Variants in CSGALNACT1 observed in about 807,000 individuals in gnomAD.
CSGALNACT1 encodes chondroitin sulfate N-acetylgalactosaminyltransferase 1.
Under a neutral mutation model 51.0 loss-of-function variants are expected in CSGALNACT1, and 52 were observed. That is an observed-to-expected ratio of 1.02 (90% confidence interval 0.82 to 1.29). The LOEUF (loss-of-function observed/expected upper bound fraction) is 1.29. Among genes scored for constraint, CSGALNACT1 ranks in the 50% most tolerant of loss-of-function variants. The pLI, the probability that CSGALNACT1 is intolerant of heterozygous loss-of-function variation, is 0.00. For synonymous variants in CSGALNACT1, 341 were observed against 254.4 expected (o/e 1.34, Z -3.24); for missense variants, 935 against 679.2 (o/e 1.38, Z -4.19).
At chr8:19,635,628 GCATATTGAGGTTGTTT>G (rs1300105356) in intron 1 of CSGALNACT1, among the ~76,000 whole-genome samples, 1 of 152,038 alleles carries the variant, frequency 6.6e-6, no homozygotes, top group African/African-American at 2.4e-5. Context: ...CACTTTTTCG[GCATATTGAGGTTGTTT>G]CATAAAGGAG....
chr8:19,617,760 T>G (rs1187578031), intron 1 of CSGALNACT1, among the ~76,000 whole-genome samples: 1 of 152,228 alleles, frequency 6.6e-6, no homozygotes, highest in Non-Finnish European at 1.5e-5. Context: ...TTTGACATGT[T>G]AGGATATCTT....
chr8:19,461,548 T>C (rs527347185), intron 4 of CSGALNACT1, among the ~76,000 whole-genome samples: 6 of 148,562 alleles, frequency 4.0e-5, no homozygotes, highest in East Asian at 4.0e-4. Context: ...ACATTCACCA[T>C]GGGGGGCGTA....
At chr8:19,467,192 T>A (rs917855332) in intron 4 of CSGALNACT1, among the ~76,000 whole-genome samples, 17 of 137,730 alleles carry the variant, frequency 1.2e-4, no homozygotes, top group Non-Finnish European at 6.1e-5. Flanking sequence ...CGATCTCGGC[T>A]CACTGCAAGC....
intron 4 of CSGALNACT1, among the ~76,000 whole-genome samples, chr8:19,463,931 G>C: frequency 6.6e-6 from 1 of 152,094 alleles, no homozygotes; most frequent in East Asian, 1.9e-4. Context: ...CCTTCAGTAG[G>C]CCAGGAGCTA....
At chr8:19,729,335 T>C (rs914466204) in intron 1 of CSGALNACT1, among the ~76,000 whole-genome samples, 2 of 152,206 alleles carry the variant, frequency 1.3e-5, no homozygotes, top group Admixed American at 6.5e-5. Context: ...TTGCAGACAG[T>C]GCTCACATGC....
chr8:19,681,550 T>C (rs953584745), intron 1 of CSGALNACT1, among the ~76,000 whole-genome samples: 1 of 152,036 alleles, frequency 6.6e-6, no homozygotes, highest in Non-Finnish European at 1.5e-5. Context: ...ATCAGGTAAG[T>C]GGTAAATCTG....
chr8:19,435,188 A>G (rs2060194601), intron 6 of CSGALNACT1, among the ~76,000 whole-genome samples: 1 of 152,184 alleles, frequency 6.6e-6, no homozygotes, highest in Admixed American at 6.5e-5. Context: ...CAATTCATCT[A>G]TCAGTTACAT....
At chr8:19,567,348 T>C (rs2042099873) in intron 3 of CSGALNACT1, among the ~76,000 whole-genome samples, 1 of 152,150 alleles carries the variant, frequency 6.6e-6, no homozygotes, top group Non-Finnish European at 1.5e-5. Flanking sequence ...CCAACCTAAG[T>C]AATAAAAGTC....
At chr8:19,488,227 A>C (rs2073466963) in intron 4 of CSGALNACT1, among the ~76,000 whole-genome samples, 1 of 151,756 alleles carries the variant, frequency 6.6e-6, no homozygotes, top group Non-Finnish European at 1.5e-5. Flanking sequence ...GTGTGCACCT[A>C]TAATCCCAGT....
At chr8:19,508,391 C>A (rs1235315551) in intron 3 of CSGALNACT1, among the ~76,000 whole-genome samples, 2 of 152,168 alleles carry the variant, frequency 1.3e-5, no homozygotes, top group East Asian at 3.8e-4. Context: ...TCCTTCAGCC[C>A]AAGGATTCTC....
chr8:19,633,953 C>CCGAGGGTT (rs1016664948), intron 1 of CSGALNACT1, among the ~76,000 whole-genome samples: 99 of 152,258 alleles, frequency 6.5e-4, no homozygotes, highest in African/African-American at 2.1e-3. Flanking sequence ...TCTTTCCCAA[C>CCGAGGGTT]CGAGGGTTCG....
chr8:19,678,485 A>G (rs1165903106), intron 1 of CSGALNACT1: 4 of 152,204 alleles, frequency 2.6e-5, no homozygotes, highest in African/African-American at 7.2e-5. Flanking sequence ...ATTATGTCTG[A>G]CGTAAATGCA....
At chr8:19,601,776 G>A (rs1641551679) in exon 2 of CSGALNACT1, 1 of 453,360 alleles carries the variant, frequency 2.2e-6, no homozygotes, top group South Asian at 1.6e-5. Context: ...CTTACCTGGG[G>A]GTTCAAGAAG....
chr8:19,695,272 C>CGTGG (rs1369326368), intron 1 of CSGALNACT1, among the ~76,000 whole-genome samples: 2 of 152,108 alleles, frequency 1.3e-5, no homozygotes, highest in Admixed American at 6.5e-5. Flanking sequence ...AAAAATAAAA[C>CGTGG]GTGGACGTTT....
intron 6 of CSGALNACT1, among the ~76,000 whole-genome samples, chr8:19,429,300 C>A (rs560183854): frequency 1.3e-5 from 2 of 152,272 alleles, no homozygotes; most frequent in African/African-American, 4.8e-5. Flanking sequence ...CCTCAGCCTC[C>A]CCAGTACCTG....
intron 1 of CSGALNACT1, among the ~76,000 whole-genome samples, chr8:19,710,736 T>C (rs2062456738): frequency 6.6e-6 from 1 of 152,184 alleles, no homozygotes; most frequent in African/African-American, 2.4e-5. Flanking sequence ...AGAAACCCTA[T>C]AATTACTTCT....
At chr8:19,608,864 T>C (rs1347466551) in intron 1 of CSGALNACT1, among the ~76,000 whole-genome samples, 1 of 152,218 alleles carries the variant, frequency 6.6e-6, no homozygotes, top group Non-Finnish European at 1.5e-5. Context: ...TTTATCTTCT[T>C]CCTTCCCAGA....
At chr8:19,533,297 A>G (rs143322301) in intron 3 of CSGALNACT1, among the ~76,000 whole-genome samples, 1 of 151,690 alleles carries the variant, frequency 6.6e-6, no homozygotes, top group East Asian at 1.9e-4. Flanking sequence ...TTTTATTTTT[A>G]TTTTTATAGA....
chr8:19,729,165 T>C (rs2063556939), intron 1 of CSGALNACT1, among the ~76,000 whole-genome samples: 1 of 151,644 alleles, frequency 6.6e-6, no homozygotes, highest in Non-Finnish European at 1.5e-5. Context: ...GGAAAGAAAG[T>C]CATGTCTTTT....
Sources: gnomAD v4.1 joint callset for allele counts (sites outside exome capture counted in the v4.1 genomes callset) on GRCh38, gnomAD v4.1.1 for gene constraint, MANE v1.5 for transcripts, NCBI Gene and HGNC (gene_info 2026-07-23, HGNC 2026-07-21) for gene names.